The following FAM228B variants were observed in gnomAD, a reference collection of about 807,000 sequenced individuals.
The protein encoded by FAM228B is protein FAM228B.
Under a neutral mutation model 42.6 loss-of-function variants are expected in FAM228B, and 38 were observed. The observed-to-expected ratio is 0.89, with a 90% CI of 0.69 to 1.17. FAM228B has a LOEUF of 1.17. Ranked by LOEUF, FAM228B falls within the 50% of genes most tolerant of loss-of-function variation. The probability of loss-of-function intolerance (pLI) is 0.00; values close to 1 mark genes in which losing one functional copy is unlikely to be tolerated. For synonymous variants in FAM228B, 109 were observed against 122.3 expected (o/e 0.89, Z 0.72); for missense variants, 344 against 367.3 (o/e 0.94, Z 0.52).
intron 3 of FAM228B, among the ~76,000 whole-genome samples, chr2:24,112,457 C>T (rs1000814670): frequency 7.9e-5 from 12 of 152,014 alleles, no homozygotes; most frequent in Admixed American, 4.6e-4. Flanking sequence ...CCTGCTATGA[C>T]GCCCAGCTCA....
chr2:24,158,411 CTGAT>C (rs528188085), intron 7 of FAM228B, among the ~76,000 whole-genome samples: 42 of 152,118 alleles, frequency 2.8e-4, no homozygotes, highest in Middle Eastern at 3.4e-3. Context: ...TGACCAGTCA[CTGAT>C]TAAGTCTGTG....
In FAM228B at chr2:24,166,054, A is replaced by AATATATATATATATATATATAT. The variant is rs1553334356; in HGVS notation, c.933-1555_933-1554insATATATATATATATATATATAT. ...CAGAACTCTGTCTAAAAAAAAAAAAAATATATATATATATATATGTATGTA... is the reference window on the plus strand; with the variant it reads ...CAGAACTCTGTCTAAAAAAAAAAAAAATATATATATATATATATATATATATATATATATATATATGTATGTA... On this transcript the variant is annotated intron_variant, in intron 9 of 10. Transcript: ENST00000615575. 14 of 81,032 alleles carry AATATATATATATATATATATAT rather than the reference A, an allele frequency of 1.7e-4. No individual in the cohort carries two copies. In the East Asian group the frequency reaches 2.2e-3, roughly 13 times the overall value. The allele number at this position is 81,032 out of a possible 1,614,324, so 5.0% of individuals were successfully genotyped here.
chr2:24,092,962 A>ACACACACACC, intron 2 of FAM228B, among the ~76,000 whole-genome samples: 1 of 151,032 alleles, frequency 6.6e-6, no homozygotes, highest in African/African-American at 2.4e-5. Flanking sequence ...ACACACACAC[A>ACACACACACC]CACACCATGT....
chr2:24,134,365 A>AAG (rs1666527567), intron 2 of FAM228B, among the ~76,000 whole-genome samples: 1 of 152,256 alleles, frequency 6.6e-6, no homozygotes, highest in South Asian at 2.1e-4. Context: ...AGTTTGCCTT[A>AAG]GGTGGCACTA....
chr2:24,106,793 G>T (rs747000573), intron 3 of FAM228B, among the ~76,000 whole-genome samples: 5 of 151,974 alleles, frequency 3.3e-5, no homozygotes, highest in Non-Finnish European at 7.4e-5. Flanking sequence ...AGCAAATATG[G>T]ATGGGAAAGA....
intron 2 of FAM228B, among the ~76,000 whole-genome samples, chr2:24,081,581 G>C (rs933840938): frequency 6.6e-6 from 1 of 152,098 alleles, no homozygotes; most frequent in Non-Finnish European, 1.5e-5. Flanking sequence ...ATTGAGTCCA[G>C]ACAGCTTGAT....
Position 24,077,892 on chromosome 2 carries a change from C to G in FAM228B, c.-290+923C>G, listed in dbSNP as rs1664829157. 2.9e-5 allele frequency: 27 copies of G among 921,448 alleles called. 1 individual carries two copies. In the South Asian group the frequency reaches 4.3e-4, roughly 15 times the overall value. The allele number at this position is 921,448 out of a possible 1,614,324, so 57.1% of individuals were successfully genotyped here. ...GCACACAGGGACACTTAACCCCTCA[C>G]TTCCTAGCATGTGTGTGAAATACCC... On this transcript the variant is annotated intron_variant, in intron 1 of 10. Transcript: ENST00000613899. This position sits in a 1 kb window ranked among gnomAD's most constrained non-coding sequence, Gnocchi z 5.5.
intron 2 of FAM228B, among the ~76,000 whole-genome samples, chr2:24,089,690 C>G (rs563745142): frequency 6.6e-6 from 1 of 152,212 alleles, no homozygotes; most frequent in African/African-American, 2.4e-5. Flanking sequence ...GAGTCACAAC[C>G]GAGGAAGAAA....
In FAM228B at chr2:24,084,501, T is replaced by G; in HGVS notation, c.-210+3546T>G. The G allele has an allele frequency of 1.1e-6, 1 of 877,792 alleles. No homozygotes were observed. Among genetic ancestry groups the G allele is most frequent in the Non-Finnish European group, 1.6e-6 (1 of 619,926 alleles). 54.4% of individuals were successfully genotyped at this position (877,792 alleles called of 1,614,324 possible). ...GCCGGCCAGCGCCTCGCTGCCCTGG[T>G]CTGCCGCGGACCCGGCCTCCGCCCC... On this transcript the variant is annotated intron_variant, in intron 2 of 10. Coordinates refer to the FAM228B transcript ENST00000613899. This position sits in a 1 kb window ranked among gnomAD's most constrained non-coding sequence, Gnocchi z 8.4.
At chr2:24,162,596 C>T (rs1355281337) in intron 8 of FAM228B, among the ~76,000 whole-genome samples, 1 of 152,104 alleles carries the variant, frequency 6.6e-6, no homozygotes, top group Non-Finnish European at 1.5e-5. Flanking sequence ...GTAATGAAAA[C>T]ATATCCACAT....
chr2:24,130,788 A>G (rs1188845565), intron 2 of FAM228B, among the ~76,000 whole-genome samples: 1 of 152,060 alleles, frequency 6.6e-6, no homozygotes, highest in Non-Finnish European at 1.5e-5. Context: ...GCTGTATAGA[A>G]GCTCTTTAGA....
chr2:24,145,417 G>T (rs994277784), intron 5 of FAM228B, among the ~76,000 whole-genome samples: 3 of 152,172 alleles, frequency 2.0e-5, no homozygotes, highest in African/African-American at 7.2e-5. Context: ...CACGCACCCA[G>T]GATCAAAGCC....
At chr2:24,083,979 A>G (rs1665133761) in intron 2 of FAM228B, among the ~76,000 whole-genome samples, 1 of 152,206 alleles carries the variant, frequency 6.6e-6, no homozygotes, top group African/African-American at 2.4e-5. Flanking sequence ...GCTATGGATT[A>G]GCTCGGGGTG....
chr2:24,119,773 A>AT, upstream of FAM228B: 1 of 878,372 alleles, frequency 1.1e-6, no homozygotes, highest in East Asian at 2.4e-5. Context: ...CCATTTCCTG[A>AT]TTTCCATATG....
intron 5 of FAM228B, among the ~76,000 whole-genome samples, chr2:24,140,699 T>C (rs763164025): frequency 2.4e-4 from 37 of 151,878 alleles, no homozygotes; most frequent in Non-Finnish European, 3.8e-4. Context: ...CAGTGGCTCA[T>C]GCCTGTAATC....
chr2:24,125,344 CT>C (rs1243212104), intron 2 of FAM228B, among the ~76,000 whole-genome samples: 2 of 152,204 alleles, frequency 1.3e-5, no homozygotes, highest in Non-Finnish European at 2.9e-5. Context: ...GATTGTGCCA[CT>C]GCATCCCCAC....
In FAM228B at chr2:24,084,408, G is replaced by A. The variant is rs1015025553; in HGVS notation, c.-210+3453G>A. 2 of 1,445,054 alleles carry A rather than the reference G, an allele frequency of 1.4e-6. No individual in the cohort carries two copies. The highest frequency in any genetic ancestry group is 1.8e-6 in the Non-Finnish European group (2 of 1,086,590). The allele number at this position is 1,445,054 out of a possible 1,614,324, so 89.5% of individuals were successfully genotyped here. Reference sequence around the variant, plus strand: ...GGACAGGACAGGGCAGGGCAGGACAGGACAGGGCAGGGGCCGCTGTATCCT... The same window carrying A: ...GGACAGGACAGGGCAGGGCAGGACAAGACAGGGCAGGGGCCGCTGTATCCT... On this transcript the variant is annotated intron_variant, in intron 2 of 10. Transcript: ENST00000613899. This position sits in a 1 kb window ranked among gnomAD's most constrained non-coding sequence, Gnocchi z 8.4.
At chr2:24,152,453 C>T (rs949509931) in intron 7 of FAM228B, among the ~76,000 whole-genome samples, 10 of 152,332 alleles carry the variant, frequency 6.6e-5, no homozygotes, top group African/African-American at 2.4e-4. Flanking sequence ...CTGGGTTTGT[C>T]CTTCTTGGGA....
chr2:24,108,759 G>A (rs1665740887), intron 3 of FAM228B, among the ~76,000 whole-genome samples: 1 of 151,958 alleles, frequency 6.6e-6, no homozygotes. Flanking sequence ...AAATTAGCTG[G>A]GTGTGGTGGT....
Sources: gnomAD v4.1 joint callset for allele counts (sites outside exome capture counted in the v4.1 genomes callset) on GRCh38, gnomAD v4.1.1 for gene constraint, Gnocchi (gnomAD v3.1) non-coding constraint, MANE v1.5 for transcripts, NCBI Gene and HGNC (gene_info 2026-07-23, HGNC 2026-07-21) for gene names.